Variants in GTPBP4 observed in about 807,000 individuals in gnomAD.
The protein encoded by GTPBP4 is GTP binding protein 4, also known as GTP-binding protein 4.
In GTPBP4, 15 loss-of-function variants were observed where a neutral mutation model predicts 81.7. That is an observed-to-expected ratio of 0.18 (90% CI 0.12 to 0.28). The LOEUF (loss-of-function observed/expected upper bound fraction) is 0.28. Among genes scored for constraint, GTPBP4 ranks in the 10% least tolerant of loss-of-function variants. The pLI, the probability that GTPBP4 is intolerant of heterozygous loss-of-function variation, is 1.00. For synonymous variants in GTPBP4, 272 were observed against 274.6 expected (o/e 0.99, Z 0.09); for missense variants, 847 against 793.8 (o/e 1.07, Z -0.81).
chr10:1,007,545 G>A (rs2132167831), intron 10 of GTPBP4, among the ~76,000 whole-genome samples: 1 of 152,142 alleles, frequency 6.6e-6, no homozygotes, highest in East Asian at 1.9e-4. Context: ...GACCAGCCTG[G>A]GCAACATAGT....
At chr10:995,236 T>C (rs891719269) in intron 2 of GTPBP4, among the ~76,000 whole-genome samples, 1 of 152,118 alleles carries the variant, frequency 6.6e-6, no homozygotes, top group Non-Finnish European at 1.5e-5. Context: ...GGAGCATGAA[T>C]GTTTGGGGTA....
chr10:992,695 T>TA, intron 2 of GTPBP4, 36 bp downstream of exon 2: 1 of 1,341,442 alleles, frequency 7.5e-7, no homozygotes, highest in Non-Finnish European at 1.1e-6. Flanking sequence ...GTTATGTAAA[T>TA]ACGGGCTTTC....
chr10:1,015,996 T>C, intron 16 of GTPBP4, 100 bp downstream of exon 16: 1 of 1,081,014 alleles, frequency 9.3e-7, no homozygotes, highest in Non-Finnish European at 1.4e-6. Context: ...GCAGGAACTA[T>C]GGCAGGGGTT....
intron 11 of GTPBP4, 27 bp downstream of exon 11, chr10:1,009,062 G>A (rs1220206633): frequency 6.6e-7 from 1 of 1,515,018 alleles, no homozygotes; most frequent in Admixed American, 1.7e-5. Context: ...CTCGCCCAGT[G>A]TTCTCATGGG....
At position 1,019,806 on chromosome 10, in the gene GTPBP4, G is replaced by A. The variant is rs905253524; in HGVS notation, c.*2579G>A. 1.9e-6 allele frequency: 3 copies of A among 1,613,970 alleles called. No individual in the cohort carries two copies. The highest frequency in any genetic ancestry group is 2.7e-5 in the African/African-American group (2 of 75,030). ...TGATTTTGCCTTGTGGTGATAGATT[G>A]TCATGAACACAATGTCCTCTGGAGA... On this transcript the variant is annotated 3_prime_UTR_variant, in exon 17 of 17. Transcript: ENST00000360803.
chr10:1,019,675 G>A lies in GTPBP4; in HGVS notation c.*2448G>A, dbSNP rs1282089410. On this transcript the variant is annotated 3_prime_UTR_variant, in exon 17 of 17. Transcript: ENST00000360803. Reference sequence around the variant, plus strand: ...TCCAGCAGCTCCCACAGCTCCTCCTGGGACAGGTAGAGGATGCTTTTCGTT... The same window carrying A: ...TCCAGCAGCTCCCACAGCTCCTCCTAGGACAGGTAGAGGATGCTTTTCGTT... 6.2e-6 allele frequency: 10 copies of A among 1,614,058 alleles called. No individual in the cohort carries two copies. Among genetic ancestry groups the A allele is most frequent in the Non-Finnish European group, 8.5e-6 (10 of 1,180,028 alleles).
At chr10:990,438 C>A (rs1318696035) in intron 1 of GTPBP4, among the ~76,000 whole-genome samples, 2 of 151,964 alleles carry the variant, frequency 1.3e-5, no homozygotes, top group East Asian at 3.9e-4. Context: ...AGAGGTAAGT[C>A]GAGGCCGGGT....
At chr10:1,008,419 T>C in intron 10 of GTPBP4, 1 of 344,698 alleles carries the variant, frequency 2.9e-6, no homozygotes, top group Non-Finnish European at 5.7e-6. Flanking sequence ...AAAAAAATTA[T>C]CTTTTATACT....
Position 1,010,335 on chromosome 10 carries a change from C to G in GTPBP4, c.1244-85C>G. 4 of 720,992 alleles carry G rather than the reference C, an allele frequency of 5.5e-6. No individual in the cohort carries two copies. The South Asian group carries it at 6.2e-5, about 11-fold the overall frequency. 44.7% of individuals were successfully genotyped at this position (720,992 alleles called of 1,614,324 possible). On this transcript the variant is annotated intron_variant, in intron 12 of 16. Transcript: ENST00000360803. The stretch of plus-strand genomic sequence containing the variant: ...TTCTGCAGTGGAGTCGTTGATTTGC[C>G]GTCAGTCACAACTCATTTTGCGCAC...
intron 1 of GTPBP4, among the ~76,000 whole-genome samples, chr10:989,605 G>C: frequency 6.6e-6 from 1 of 152,298 alleles, no homozygotes; most frequent in East Asian, 1.9e-4. Context: ...TCAAGGACGG[G>C]ATGAGCTTGC....
At chr10:1,009,116 G>T in intron 11 of GTPBP4, 81 bp downstream of exon 11, 2 of 1,029,598 alleles carry the variant, frequency 1.9e-6, no homozygotes, top group South Asian at 2.6e-5. Flanking sequence ...CTGGGGCATC[G>T]AACAGGAGCC....
Position 992,503 on chromosome 10 carries a change from C to G in GTPBP4, c.63C>G (p.Leu21=), listed in dbSNP as rs1461934969. ...TTTAATTGCAGGACTTCATAGACCT[C>G]ACGTTGTCGAAGACTCAACGAAAGA... ...VVPSAKDFID[L]TLSKTQRKTP... The change falls in exon 2 of 17, where the codon CTC becomes CTG. Residue 21 remains leucine, a synonymous_variant. Coordinates refer to ENST00000360803, the MANE Select transcript of GTPBP4 (RefSeq NM_012341.3). 1 of 1,596,488 alleles carries G rather than the reference C, an allele frequency of 6.3e-7. No individual in the cohort carries two copies. The highest frequency in any genetic ancestry group is 8.6e-7 in the Non-Finnish European group (1 of 1,164,584).
chr10:1,000,328 C>G (rs1484180189), intron 6 of GTPBP4, among the ~76,000 whole-genome samples: 1 of 150,102 alleles, frequency 6.7e-6, no homozygotes, highest in Non-Finnish European at 1.5e-5. Context: ...AGCTCCGCCT[C>G]CCTGGTTCAC....
At chr10:1,006,141 A>G (rs1265898195) in intron 9 of GTPBP4, among the ~76,000 whole-genome samples, 2 of 152,220 alleles carry the variant, frequency 1.3e-5, no homozygotes, top group Admixed American at 1.3e-4. Context: ...CACCCCAAAC[A>G]ACTTTACCCT....
chr10:1,008,903 A>G, intron 10 of GTPBP4, 55 bp from the exon 11 acceptor site: 1 of 1,346,108 alleles, frequency 7.4e-7, no homozygotes, highest in Non-Finnish European at 1.1e-6. Context: ...TCGGCTTTGT[A>G]AGTTTCTCAT....
chr10:1,000,968 C>T lies in GTPBP4; in HGVS notation c.867C>T (p.Asn289=). 2 of 1,611,920 alleles carry T rather than the reference C, an allele frequency of 1.2e-6. No individual in the cohort carries two copies. The highest frequency in any genetic ancestry group is 1.7e-6 in the Non-Finnish European group (2 of 1,178,046). The change falls in exon 8 of 17, where the codon AAC becomes AAT. Residue 289 remains asparagine, a synonymous_variant. Transcript: ENST00000360803. ...FINKPLIVVA[N]KCDVKRIAEL... is the part of the protein sequence containing the mutation. ...CCTAGCCTCTCATAGTTGTAGCCAACAAATGTGATGTGAAGAGAATAGCTG... is the reference window on the plus strand; with the variant it reads ...CCTAGCCTCTCATAGTTGTAGCCAATAAATGTGATGTGAAGAGAATAGCTG...
chr10:997,158 C>T, intron 4 of GTPBP4, 50 bp from the exon 5 acceptor site: 1 of 1,105,624 alleles, frequency 9.0e-7, no homozygotes, highest in Non-Finnish European at 1.4e-6. Context: ...AAATTTAAAG[C>T]AAATCTTAAA....
Position 1,018,424 on chromosome 10 carries a change from A to G in GTPBP4, c.*1197A>G, listed in dbSNP as rs78880820. 7.7e-6 allele frequency: 1 copy of G among 130,312 alleles called. No individual in the cohort carries two copies. Among genetic ancestry groups the G allele is most frequent in the Non-Finnish European group, 1.6e-5 (1 of 63,014 alleles). The allele number at this position is 130,312 out of a possible 1,614,324, so 8.1% of individuals were successfully genotyped here. ...GGGTGACAGAGAGAGACTCCGTGTGAAAAAAAAAAAAAAAATACCAGGTCT... is the reference window on the plus strand; with the variant it reads ...GGGTGACAGAGAGAGACTCCGTGTGGAAAAAAAAAAAAAAATACCAGGTCT... On this transcript the variant is annotated 3_prime_UTR_variant, in exon 17 of 17. Coordinates refer to ENST00000360803, the MANE Select transcript of GTPBP4 (RefSeq NM_012341.3).
In GTPBP4 at chr10:996,207, A is replaced by G. The variant is rs1205769735; in HGVS notation, c.425A>G (p.Lys142Arg). The change falls in exon 4 of 17, where the codon AAG becomes AGG. Residue 142 changes from lysine (K) to arginine (R), a missense_variant. Lys to Arg is a conservative substitution (Grantham distance 26, BLOSUM62 2). Transcript: ENST00000360803. ...CTGGGACGGATGTGCACAGTGATCA[A>G]GAGGCAGAAGCAGAGTTTGGAGTAT... ...AALGRMCTVI[K>R]RQKQSLEYLE... 4 of 1,613,810 alleles carry G rather than the reference A, an allele frequency of 2.5e-6. No individual in the cohort carries two copies. In the African/African-American group the frequency reaches 4.0e-5, roughly 16 times the overall value.
Sources: gnomAD v4.1 joint callset for allele counts (sites outside exome capture counted in the v4.1 genomes callset) on GRCh38, gnomAD v4.1.1 for gene constraint, MANE v1.5 for transcripts, NCBI Gene and HGNC (gene_info 2026-07-23, HGNC 2026-07-21) for gene names.